The following GPHN variants were observed in gnomAD, a reference collection of about 807,000 sequenced individuals.
GPHN encodes gephyrin.
GPHN carries 17 observed loss-of-function variants against 95.5 expected under a neutral mutation model. The ratio of observed to expected loss-of-function variants is 0.18; its 90% CI spans 0.12 to 0.27. The LOEUF (loss-of-function observed/expected upper bound fraction) is 0.27. GPHN is among the 10% of genes least tolerant of loss of function. The pLI, the probability that GPHN is intolerant of heterozygous loss-of-function variation, is 1.00. For missense variants in GPHN, 660 were observed against 978.1 expected, an observed-to-expected ratio of 0.67 and a Z score of 4.34; for synonymous variants, 320 against 322.5, an observed-to-expected ratio of 0.99 and a Z score of 0.08.
In GPHN at chr14:66,583,101, A is replaced by G. The variant is rs1177548914; in HGVS notation, c.64+74510A>G. Among the ~76,000 whole-genome samples the G allele has an allele frequency of 2.0e-5, 3 of 151,414 alleles. No individual in the cohort carries two copies. In the East Asian group the frequency reaches 5.8e-4, roughly 29 times the overall value. On this transcript the variant is annotated intron_variant, in intron 1 of 22. Transcript: ENST00000478722. The stretch of plus-strand genomic sequence containing the variant: ...TCTAACTGGTGTGAGATGGTATCTC[A>G]TTGTGGTTTTGATTTGCATTTCTCT...
the GPHN span, among the ~76,000 whole-genome samples, chr14:67,231,367 T>G: frequency 2.0e-5 from 3 of 152,150 alleles, no homozygotes; most frequent in Admixed American, 6.5e-5. Context: ...TGAAGTGCAG[T>G]GGCACTGTAA....
intron 2 of GPHN, among the ~76,000 whole-genome samples, chr14:66,739,686 C>T (rs2072628455): frequency 6.6e-6 from 1 of 151,972 alleles, no homozygotes; most frequent in South Asian, 2.1e-4. Context: ...CAAAGAAATA[C>T]CATACATTAT....
intron 1 of GPHN, among the ~76,000 whole-genome samples, chr14:66,609,337 A>G (rs1318673475): frequency 2.0e-5 from 3 of 152,188 alleles, no homozygotes; most frequent in African/African-American, 7.2e-5. Flanking sequence ...GGTTTCCTTT[A>G]TAAGTGACCT....
At chr14:67,657,388 T>G in the GPHN span, among the ~76,000 whole-genome samples, 1 of 152,122 alleles carries the variant, frequency 6.6e-6, no homozygotes, top group East Asian at 1.9e-4. Flanking sequence ...TCAGGGAAAT[T>G]AGTATCTGGG....
At chr14:66,560,669 C>G (rs950907620) in intron 1 of GPHN, among the ~76,000 whole-genome samples, 1 of 152,128 alleles carries the variant, frequency 6.6e-6, no homozygotes, top group Admixed American at 6.6e-5. Context: ...TCTAGATATG[C>G]GATCATGTCA....
At chr14:66,683,038 C>T (rs1178974784) in intron 2 of GPHN, among the ~76,000 whole-genome samples, 3 of 151,580 alleles carry the variant, frequency 2.0e-5, no homozygotes, top group Non-Finnish European at 4.4e-5. Context: ...CAGACTACTT[C>T]ATTGGAAGGA....
At chr14:67,476,323 A>G in the GPHN span, among the ~76,000 whole-genome samples, 1 of 152,244 alleles carries the variant, frequency 6.6e-6, no homozygotes, top group African/African-American at 2.4e-5. Flanking sequence ...GCAGTGGCTC[A>G]CACCTGTAAT....
At chr14:67,357,392 A>G in the GPHN span, among the ~76,000 whole-genome samples, 4 of 152,228 alleles carry the variant, frequency 2.6e-5, no homozygotes, top group Non-Finnish European at 5.9e-5. Flanking sequence ...CTACATGACA[A>G]AAAGCCTGCT....
chr14:67,313,302 G>A, the GPHN span, among the ~76,000 whole-genome samples: 1 of 152,042 alleles, frequency 6.6e-6, no homozygotes, highest in Non-Finnish European at 1.5e-5. Flanking sequence ...TTAACGACAG[G>A]GATAAGTTCT....
At chr14:66,980,643 G>A (rs776527568) in intron 9 of GPHN, among the ~76,000 whole-genome samples, 4 of 151,954 alleles carry the variant, frequency 2.6e-5, no homozygotes, top group Non-Finnish European at 5.9e-5. Flanking sequence ...AGATTATACT[G>A]TCTTGGAATT....
At chr14:67,018,596 A>G (rs886195368) in intron 9 of GPHN, among the ~76,000 whole-genome samples, 1 of 152,164 alleles carries the variant, frequency 6.6e-6, no homozygotes, top group Non-Finnish European at 1.5e-5. Flanking sequence ...GACATTTCCA[A>G]AATGTTCTGG....
At chr14:66,861,982 A>G (rs1596185870) in intron 4 of GPHN, among the ~76,000 whole-genome samples, 1 of 152,126 alleles carries the variant, frequency 6.6e-6, no homozygotes, top group South Asian at 2.1e-4. Flanking sequence ...AAAAGAAAGA[A>G]TAACGATCAG....
intron 9 of GPHN, among the ~76,000 whole-genome samples, chr14:67,016,450 T>C (rs2073319022): frequency 6.6e-6 from 1 of 152,062 alleles, no homozygotes; most frequent in African/African-American, 2.4e-5. Flanking sequence ...AGTAAAAGGT[T>C]CTGTTAATAT....
chr14:67,559,221 G>A, the GPHN span, among the ~76,000 whole-genome samples: 8 of 151,086 alleles, frequency 5.3e-5, no homozygotes, highest in Non-Finnish European at 1.5e-5. Flanking sequence ...AACTATAAAG[G>A]TAACACATGC....
chr14:67,420,886 A>G, the GPHN span, among the ~76,000 whole-genome samples: 16 of 152,254 alleles, frequency 1.1e-4, no homozygotes, highest in Non-Finnish European at 5.9e-5. Flanking sequence ...AAAATAGCAA[A>G]CAATGATTGA....
At chr14:67,516,981 A>T in the GPHN span, among the ~76,000 whole-genome samples, 1 of 152,234 alleles carries the variant, frequency 6.6e-6, no homozygotes, top group Non-Finnish European at 1.5e-5. Context: ...TGACCCAAGG[A>T]CATCATGCAT....
chr14:66,841,130 A>T (rs935659851), intron 4 of GPHN, among the ~76,000 whole-genome samples: 14 of 151,968 alleles, frequency 9.2e-5, no homozygotes, highest in African/African-American at 3.1e-4. Flanking sequence ...TATGGAATTT[A>T]CATTTTAGTG....
chr14:67,542,622 G>T, the GPHN span, among the ~76,000 whole-genome samples: 1 of 152,196 alleles, frequency 6.6e-6, no homozygotes, highest in Non-Finnish European at 1.5e-5. Context: ...GTTTGGGTGG[G>T]CTGGTCTGGG....
At chr14:66,654,523 T>C (rs1280607609) in intron 1 of GPHN, among the ~76,000 whole-genome samples, 1 of 152,192 alleles carries the variant, frequency 6.6e-6, no homozygotes, top group East Asian at 1.9e-4. Context: ...GTTATTGTCA[T>C]GTTCGAGGGT....
Sources: gnomAD v4.1 joint callset for allele counts (sites outside exome capture counted in the v4.1 genomes callset) on GRCh38, gnomAD v4.1.1 for gene constraint, MANE v1.5 for transcripts, NCBI Gene and HGNC (gene_info 2026-07-23, HGNC 2026-07-21) for gene names.